SERINC5: variants seen among roughly 807,000 people sequenced by gnomAD.
The protein encoded by SERINC5 is serine incorporator 5, also known as chromosome 5 open reading frame 12.
Under a neutral mutation model 63.1 loss-of-function variants are expected in SERINC5, and 41 were observed. That is an observed-to-expected ratio of 0.65 (90% CI 0.51 to 0.84). SERINC5 has a LOEUF of 0.84. Ranked by LOEUF, SERINC5 falls within the 40% of genes least tolerant of loss-of-function variation. SERINC5 has a pLI of 0.00. For missense variants in SERINC5, 523 were observed against 573.0 expected (o/e 0.91, Z 0.89); for synonymous variants, 222 against 215.2 (o/e 1.03, Z -0.28).
Position 80,140,091 on chromosome 5 carries a change from A to C in SERINC5, c.*3572T>G. The C allele has an allele frequency of 9.3e-6, 9 of 967,794 alleles. No individual in the cohort carries two copies. The highest frequency in any genetic ancestry group is 1.1e-5 in the Non-Finnish European group (9 of 813,916). 60.0% of individuals were successfully genotyped at this position (967,794 alleles called of 1,614,324 possible). ...ACGCCTATAATCCCAGCACTTTGGG[A>C]AGCCAAGGCGGGCACATTGCTTGAG... On this transcript the variant is annotated 3_prime_UTR_variant, in exon 12 of 12. Coordinates refer to ENST00000507668, the MANE Select transcript of SERINC5 (RefSeq NM_001174072.3).
Position 80,208,058 on chromosome 5 carries a change from C to T in SERINC5, c.28-5005G>A, listed in dbSNP as rs114022927. ...CAATTCCTGGCTGGAACTACTGGTG[C>T]TTTCACAAGCTTGGAGAGAAGTGCC... On this transcript the variant is annotated intron_variant, in intron 1 of 11. Transcript: ENST00000507668. Among the ~76,000 whole-genome samples the T allele has an allele frequency of 9.0e-3, 1,373 of 152,266 alleles. 23 individuals are homozygous for T. The highest frequency in any genetic ancestry group is 0.031 in the African/African-American group (1,293 of 41,542).
Position 80,255,899 on chromosome 5 carries a change from G to A in SERINC5, c.24C>T (p.Gly8=), listed in dbSNP as rs1244410029. 1 of 1,587,938 alleles carries A rather than the reference G, an allele frequency of 6.3e-7. No homozygotes were observed. MSAQCCA[G]QLACCCGSAG... ...CGCTGCGCCCGGCCTCGCTCACCTG[G>A]CCCGCACAGCACTGAGCTGACATCG... The change falls in exon 1 of 12, where the codon GGC becomes GGT. Residue 8 remains glycine (G), a synonymous_variant. Transcript: ENST00000507668.
intron 2 of SERINC5, among the ~76,000 whole-genome samples, chr5:80,193,429 G>A (rs781315684): frequency 1.3e-5 from 2 of 152,246 alleles, no homozygotes; most frequent in South Asian, 2.1e-4. Flanking sequence ...CTTAACAGAC[G>A]CTTTAGATGA....
Position 80,255,947 on chromosome 5 carries a change from G to T in SERINC5, c.-25C>A, listed in dbSNP as rs1331883245. On this transcript the variant is annotated 5_prime_UTR_variant, in exon 1 of 12. Coordinates refer to ENST00000507668, the MANE Select transcript of SERINC5 (RefSeq NM_001174072.3). ...TCGCGGCGGCCAATGCCGAAGGCGC[G>T]CTCGCTGGCTCCCCGCGCCGCACGG... 2.0e-6 allele frequency: 3 copies of T among 1,529,188 alleles called. No individual in the cohort carries two copies. The highest frequency in any genetic ancestry group is 1.4e-5 in the African/African-American group (1 of 70,056). The allele number at this position is 1,529,188 out of a possible 1,614,324, so 94.7% of individuals were successfully genotyped here.
At chr5:80,255,823 G>C (rs1752651016) in intron 1 of SERINC5, 73 bp downstream of exon 1, 1 of 1,487,808 alleles carries the variant, frequency 6.7e-7, no homozygotes, top group Non-Finnish European at 9.1e-7. Context: ...CACCCAGGCA[G>C]GTCCTCCACG....
chr5:80,211,864 G>A (rs1321755157), intron 1 of SERINC5, among the ~76,000 whole-genome samples: 2 of 152,228 alleles, frequency 1.3e-5, no homozygotes, highest in Non-Finnish European at 2.9e-5. Context: ...AGGAATGAAA[G>A]AAGTATCCTA....
chr5:80,166,797 A>C (rs1747331187), intron 6 of SERINC5: 1 of 214,950 alleles, frequency 4.7e-6, no homozygotes, highest in Admixed American at 5.3e-5. Flanking sequence ...ATTAGTTCTT[A>C]AATCACAAGA....
At chr5:80,240,955 T>C (rs1030449659) in intron 1 of SERINC5, among the ~76,000 whole-genome samples, 4 of 152,244 alleles carry the variant, frequency 2.6e-5, no homozygotes, top group African/African-American at 4.8e-5. Flanking sequence ...ATTATAGGCA[T>C]GAGCCACTGT....
At chr5:80,245,596 C>T (rs763304499) in intron 1 of SERINC5, among the ~76,000 whole-genome samples, 19 of 147,168 alleles carry the variant, frequency 1.3e-4, no homozygotes, top group Non-Finnish European at 2.5e-4. Context: ...TTCTAGGCAC[C>T]CAGTGAATAT....
chr5:80,119,757 C>A (rs1744470825), intron 11 of SERINC5, among the ~76,000 whole-genome samples: 1 of 152,186 alleles, frequency 6.6e-6, no homozygotes, highest in Non-Finnish European at 1.5e-5. Flanking sequence ...ATCTGAATAA[C>A]CCAGAGAGCT....
At chr5:80,255,250 AAG>A in intron 1 of SERINC5, 1 of 152,512 alleles carries the variant, frequency 6.6e-6, no homozygotes. Context: ...TTTATTTGCA[AAG>A]AGAGGCAGGA....
At chr5:80,190,768 C>T (rs1237504834) in intron 2 of SERINC5, among the ~76,000 whole-genome samples, 1 of 152,198 alleles carries the variant, frequency 6.6e-6, no homozygotes, top group East Asian at 1.9e-4. Context: ...AACCTATAAC[C>T]TCAAGATTTG....
intron 1 of SERINC5, among the ~76,000 whole-genome samples, chr5:80,241,340 G>A (rs1232827543): frequency 1.3e-5 from 2 of 151,976 alleles, no homozygotes; most frequent in African/African-American, 2.4e-5. Flanking sequence ...ATGGTGGCAC[G>A]TGCCTGTAAT....
chr5:80,144,085 G>T (rs952823296), intron 11 of SERINC5, among the ~76,000 whole-genome samples: 2 of 151,884 alleles, frequency 1.3e-5, no homozygotes, highest in African/African-American at 4.8e-5. Context: ...GCCTATTCTG[G>T]ACAGTTGATA....
intron 11 of SERINC5, among the ~76,000 whole-genome samples, chr5:80,120,896 CTT>C: frequency 6.6e-6 from 1 of 151,864 alleles, no homozygotes; most frequent in South Asian, 2.1e-4. Context: ...GAGGCTTTTT[CTT>C]TTTTTTGAGA....
chr5:80,191,018 T>C (rs1442671870), intron 2 of SERINC5, among the ~76,000 whole-genome samples: 1 of 151,918 alleles, frequency 6.6e-6, no homozygotes, highest in Non-Finnish European at 1.5e-5. Context: ...ACTCCTGCAC[T>C]AGGCCCCAGC....
intron 7 of SERINC5, among the ~76,000 whole-genome samples, chr5:80,161,048 A>ATATATACACACGTGTATATATATATGTG (rs1554061929): frequency 1.3e-5 from 2 of 149,628 alleles, no homozygotes; most frequent in Non-Finnish European, 3.0e-5. Context: ...ATATATATAT[A>ATATATACACACGTGTATATATATATGTG]TGTATGTATG....
At chr5:80,176,912 T>A (rs993120576) in intron 4 of SERINC5, among the ~76,000 whole-genome samples, 1 of 152,210 alleles carries the variant, frequency 6.6e-6, no homozygotes, top group Non-Finnish European at 1.5e-5. Context: ...ATAAAGAATA[T>A]AATTCAATGC....
At chr5:80,208,740 A>G (rs1295390305) in intron 1 of SERINC5, among the ~76,000 whole-genome samples, 3 of 152,224 alleles carry the variant, frequency 2.0e-5, no homozygotes, top group Non-Finnish European at 2.9e-5. Context: ...TCACAGATAC[A>G]TTTCCAAAAA....
Sources: allele counts gnomAD v4.1 joint callset (sites outside exome capture counted in the v4.1 genomes callset), GRCh38; gene constraint gnomAD v4.1.1; transcripts MANE v1.5; gene names NCBI Gene and HGNC (gene_info 2026-07-23, HGNC 2026-07-21).